CSMD1: variants seen among roughly 807,000 people sequenced by gnomAD.
CSMD1 encodes the protein CUB and Sushi multiple domains 1.
In CSMD1, 213 loss-of-function variants were observed where a neutral mutation model predicts 417.5. The ratio of observed to expected loss-of-function variants is 0.51; its 90% CI spans 0.46 to 0.57. CSMD1 has a LOEUF of 0.57. CSMD1 is among the 20% of genes least tolerant of loss of function. CSMD1 has a pLI of 0.00. For missense variants in CSMD1, 6,923 were observed against 4,529.7 expected (o/e 1.53, Z -15.17); for synonymous variants, 2,862 against 1,736.8 (o/e 1.65, Z -16.11).
chr8:4,178,651 G>A (rs537583677), intron 3 of CSMD1, among the ~76,000 whole-genome samples: 142 of 152,192 alleles, frequency 9.3e-4, no homozygotes, highest in African/African-American at 3.2e-3. Context: ...GTCCCTTTTT[G>A]CAGATAATAT....
At chr8:3,360,853 TC>T (rs1471282496) in intron 20 of CSMD1, among the ~76,000 whole-genome samples, 1 of 144,084 alleles carries the variant, frequency 6.9e-6, no homozygotes, top group African/African-American at 2.5e-5. Context: ...ATCTGATCCT[TC>T]TTTTTTTTTT....
chr8:4,413,231 T>G (rs1301561542), intron 3 of CSMD1, among the ~76,000 whole-genome samples: 1 of 152,184 alleles, frequency 6.6e-6, no homozygotes, highest in African/African-American at 2.4e-5. Flanking sequence ...ACCATCAGGG[T>G]GCAACTGTGA....
intron 5 of CSMD1, among the ~76,000 whole-genome samples, chr8:3,867,530 G>A (rs181559916): frequency 1.3e-5 from 2 of 152,220 alleles, no homozygotes; most frequent in African/African-American, 4.8e-5. Flanking sequence ...ATGTGTCCCA[G>A]ACAACAGAAG....
chr8:3,882,076 C>T (rs1437575126), intron 5 of CSMD1, among the ~76,000 whole-genome samples: 2 of 151,916 alleles, frequency 1.3e-5, no homozygotes, highest in African/African-American at 4.8e-5. Context: ...ATAGTCTAAA[C>T]ATATTAAATT....
intron 3 of CSMD1, among the ~76,000 whole-genome samples, chr8:4,313,969 G>GCA (rs1283650300): frequency 6.6e-6 from 1 of 150,866 alleles, no homozygotes; most frequent in African/African-American, 2.5e-5. Flanking sequence ...AGCCGAGACT[G>GCA]CGCCCCTGCA....
chr8:3,789,953 G>T (rs562851009), intron 5 of CSMD1, among the ~76,000 whole-genome samples: 2 of 151,968 alleles, frequency 1.3e-5, no homozygotes, highest in African/African-American at 4.8e-5. Context: ...GGATGGTCTC[G>T]ATCTCCTGAC....
intron 5 of CSMD1, among the ~76,000 whole-genome samples, chr8:3,797,560 A>C (rs1461580971): frequency 1.3e-5 from 2 of 151,942 alleles, no homozygotes; most frequent in Admixed American, 6.6e-5. Context: ...TCTGTCTCAC[A>C]ATATAATATT....
chr8:4,367,711 C>T (rs1594353), intron 3 of CSMD1, among the ~76,000 whole-genome samples: 69,065 of 151,882 alleles, frequency 0.45, 16,113 homozygotes, highest in African/African-American at 0.56. Context: ...TGGTTTTCAT[C>T]TGTTTCTGTC....
intron 3 of CSMD1, among the ~76,000 whole-genome samples, chr8:4,248,078 T>C (rs1275565486): frequency 6.6e-6 from 1 of 152,184 alleles, no homozygotes; most frequent in African/African-American, 2.4e-5. Context: ...GTTAAGGAAC[T>C]TTCTTCTGAA....
chr8:4,541,313 C>G lies in CSMD1; in HGVS notation c.302+96029G>C, dbSNP rs141543655. ...CGTGCTGATCATAACTACCCCCATG[C>G]AGTTCTTACAGCAATTACAGTGGGT... On this transcript the variant is annotated intron_variant, in intron 2 of 69. Transcript: ENST00000635120. Among the ~76,000 whole-genome samples the G allele has an allele frequency of 1.3e-3, 205 of 152,290 alleles. 1 individual carries two copies. Among genetic ancestry groups the G allele is most frequent in the African/African-American group, 4.9e-3 (202 of 41,550 alleles).
intron 27 of CSMD1, among the ~76,000 whole-genome samples, chr8:3,224,133 T>A (rs886534700): frequency 2.0e-5 from 3 of 152,194 alleles, no homozygotes; most frequent in African/African-American, 7.2e-5. Context: ...ACACAAAAAA[T>A]TTCTTTCCTA....
chr8:4,917,911 C>T (rs1481223797), intron 1 of CSMD1, among the ~76,000 whole-genome samples: 1 of 152,090 alleles, frequency 6.6e-6, no homozygotes, highest in Non-Finnish European at 1.5e-5. Context: ...GGTCACTGCT[C>T]TTAAGGCATT....
chr8:4,507,362 C>T (rs1354960103), intron 2 of CSMD1, among the ~76,000 whole-genome samples: 1 of 152,168 alleles, frequency 6.6e-6, no homozygotes, highest in African/African-American at 2.4e-5. Context: ...ACAAGACTCT[C>T]CCATTAGATA....
chr8:4,686,843 G>A (rs1221516869), intron 1 of CSMD1, among the ~76,000 whole-genome samples: 1 of 152,168 alleles, frequency 6.6e-6, no homozygotes, highest in African/African-American at 2.4e-5. Flanking sequence ...TGAGCTGCAG[G>A]GAGAGAAGGA....
In CSMD1 at chr8:4,917,492, G is replaced by A. The variant is rs1304243900; in HGVS notation, c.85+76840C>T. Among the ~76,000 whole-genome samples, 4 of 152,172 alleles carry A rather than the reference G, an allele frequency of 2.6e-5. No homozygotes were observed. In the East Asian group the frequency reaches 7.8e-4, roughly 30 times the overall value. On this transcript the variant is annotated intron_variant, in intron 1 of 69. Coordinates refer to ENST00000635120, the MANE Select transcript of CSMD1 (RefSeq NM_033225.6). The stretch of plus-strand genomic sequence containing the variant: ...TACTAAAAATACAAAAAATTAGCCG[G>A]GCATGGTGGCGGGTGCCTGTACTCC...
At chr8:3,394,779 C>G (rs1282555946) in intron 17 of CSMD1, among the ~76,000 whole-genome samples, 1 of 152,018 alleles carries the variant, frequency 6.6e-6, no homozygotes, top group East Asian at 1.9e-4. Context: ...TGTAAAATTT[C>G]CTGGTTCTTA....
intron 1 of CSMD1, among the ~76,000 whole-genome samples, chr8:4,871,489 C>T (rs1018001671): frequency 6.6e-6 from 1 of 152,096 alleles, no homozygotes; most frequent in Admixed American, 6.5e-5. Flanking sequence ...CAAGTTGACC[C>T]AACGCCCGTG....
chr8:4,248,082 T>C (rs1389251199), intron 3 of CSMD1, among the ~76,000 whole-genome samples: 1 of 152,128 alleles, frequency 6.6e-6, no homozygotes, highest in Non-Finnish European at 1.5e-5. Context: ...AGGAACTTTC[T>C]TCTGAAATTA....
chr8:3,658,484 A>ATATATATATATATATAT (rs1554502347), intron 7 of CSMD1, among the ~76,000 whole-genome samples: 1 of 143,116 alleles, frequency 7.0e-6, no homozygotes. Flanking sequence ...ATATATATTT[A>ATATATATATATATATAT]ATTTAAAGCT....
Sources: allele counts gnomAD v4.1 joint callset (sites outside exome capture counted in the v4.1 genomes callset), GRCh38; gene constraint gnomAD v4.1.1; transcripts MANE v1.5; gene names NCBI Gene and HGNC (gene_info 2026-07-23, HGNC 2026-07-21).